The following RERE variants were observed in gnomAD, a reference collection of about 807,000 sequenced individuals.
The protein encoded by RERE is arginine-glutamic acid dipeptide repeats, also known as arginine-glutamic acid dipeptide repeats protein.
Under a neutral mutation model 146.1 loss-of-function variants are expected in RERE, and 40 were observed. The observed-to-expected ratio is 0.27, with a 90% CI of 0.21 to 0.36. RERE has a LOEUF of 0.36. RERE is among the 10% of genes least tolerant of loss of function. The pLI, the probability that RERE is intolerant of heterozygous loss-of-function variation, is 1.00. For missense variants in RERE, 1,933 were observed against 2,138.7 expected, an observed-to-expected ratio of 0.90 and a Z score of 1.90; for synonymous variants, 1,003 against 866.0, an observed-to-expected ratio of 1.16 and a Z score of -2.78.
At position 8,656,352 on chromosome 1, in the gene RERE, G is replaced by A; in HGVS notation, c.-55C>T. On this transcript the variant is annotated 5_prime_UTR_variant, in exon 2 of 23. Coordinates refer to ENST00000400908, the MANE Select transcript of RERE (RefSeq NM_001042681.2). ...CACGGCTAGGCCTCCGTGAAAGGTA[G>A]ACAGTAAGCCTGGGCTTCAGTCTTC... is the stretch of plus-strand genomic sequence containing the variant. 1 of 1,547,724 alleles carries A rather than the reference G, an allele frequency of 6.5e-7. No homozygotes were observed. The highest frequency in any genetic ancestry group is 1.3e-5 in the South Asian group (1 of 78,384).
At chr1:8,406,240 A>AT (rs1458731354) in intron 12 of RERE, among the ~76,000 whole-genome samples, 5 of 151,622 alleles carry the variant, frequency 3.3e-5, no homozygotes, top group Non-Finnish European at 7.4e-5. Context: ...TAATTTTTTT[A>AT]TTTTTATTTT....
chr1:8,736,143 C>T, intron 1 of RERE, among the ~76,000 whole-genome samples: 1 of 152,054 alleles, frequency 6.6e-6, no homozygotes, highest in East Asian at 1.9e-4. Context: ...TGCAGGGGTG[C>T]TCTCACTATC....
chr1:8,392,100 C>T (rs1642900701), intron 12 of RERE, among the ~76,000 whole-genome samples: 1 of 152,198 alleles, frequency 6.6e-6, no homozygotes, highest in African/African-American at 2.4e-5. Flanking sequence ...TCTCACAACT[C>T]ACACAATGTT....
intron 12 of RERE, among the ~76,000 whole-genome samples, chr1:8,411,796 A>C (rs1643622478): frequency 6.6e-6 from 1 of 152,220 alleles, no homozygotes; most frequent in South Asian, 2.1e-4. Flanking sequence ...TTTTAGGCTC[A>C]CATTATCCAA....
intron 1 of RERE, among the ~76,000 whole-genome samples, chr1:8,797,347 C>A (rs1008850750): frequency 6.6e-6 from 1 of 150,404 alleles, no homozygotes; most frequent in African/African-American, 2.5e-5. Context: ...CACTGCACAC[C>A]AGCCTAGGTG....
At chr1:8,496,075 A>G (rs1403542455) in intron 9 of RERE, among the ~76,000 whole-genome samples, 1 of 148,854 alleles carries the variant, frequency 6.7e-6, no homozygotes, top group Non-Finnish European at 1.5e-5. Flanking sequence ...AGGTGGGAGG[A>G]TGACTTGAGC....
chr1:8,563,401 G>A (rs1646101556), intron 4 of RERE, among the ~76,000 whole-genome samples: 4 of 152,132 alleles, frequency 2.6e-5, no homozygotes, highest in African/African-American at 4.8e-5. Context: ...CAGAACAACT[G>A]TAAATTCACC....
At chr1:8,762,306 G>A (rs1640770586) in intron 1 of RERE, among the ~76,000 whole-genome samples, 1 of 152,152 alleles carries the variant, frequency 6.6e-6, no homozygotes, top group South Asian at 2.1e-4. Flanking sequence ...ATGTCTAATT[G>A]AACTGTGAGT....
chr1:8,495,174 A>G lies in RERE; in HGVS notation c.1005-12T>C. On this transcript the variant is annotated splice_polypyrimidine_tract_variant and intron_variant, in intron 9 of 22. Transcript: ENST00000400908. ...ATGCCGCCATGCTCCTTCAGAAGAA[A>G]AGGTTTTTCCTTTATTAGTACATAG... is the stretch of plus-strand genomic sequence containing the variant. 1 of 1,604,814 alleles carries G rather than the reference A, an allele frequency of 6.2e-7. No individual in the cohort carries two copies. The highest frequency in any genetic ancestry group is 1.3e-5 in the African/African-American group (1 of 74,866).
At chr1:8,777,709 A>ATT (rs140488472) in intron 1 of RERE, among the ~76,000 whole-genome samples, 6 of 151,020 alleles carry the variant, frequency 4.0e-5, no homozygotes, top group Non-Finnish European at 7.4e-5. Flanking sequence ...TACTTTTTGT[A>ATT]TTTTTTTAGT....
chr1:8,408,770 T>C (rs912426589), intron 12 of RERE, among the ~76,000 whole-genome samples: 2 of 152,118 alleles, frequency 1.3e-5, no homozygotes, highest in African/African-American at 4.8e-5. Flanking sequence ...CTTTTTCCTT[T>C]TGGTGTAAAG....
At chr1:8,361,709 G>A in intron 17 of RERE, 54 bp downstream of exon 17, 1 of 1,484,824 alleles carries the variant, frequency 6.7e-7, no homozygotes, top group Non-Finnish European at 9.4e-7. Context: ...CCCCGGCTGG[G>A]GGCTTCTGAA....
chr1:8,669,178 T>TC (rs1638654995), intron 1 of RERE, among the ~76,000 whole-genome samples: 1 of 145,706 alleles, frequency 6.9e-6, no homozygotes, highest in African/African-American at 2.8e-5. Flanking sequence ...GCTCAAGCAA[T>TC]ACCCCCCCCA....
intron 3 of RERE, among the ~76,000 whole-genome samples, chr1:8,616,794 C>T (rs549653479): frequency 6.6e-6 from 1 of 152,346 alleles, no homozygotes; most frequent in South Asian, 2.1e-4. Context: ...CCCTGACTGG[C>T]AGCCACGAGT....
At chr1:8,776,281 G>A (rs1235061383) in intron 1 of RERE, among the ~76,000 whole-genome samples, 1 of 152,038 alleles carries the variant, frequency 6.6e-6, no homozygotes, top group Non-Finnish European at 1.5e-5. Context: ...AAGTTACCGG[G>A]TTACTTTCTT....
chr1:8,365,826 G>A lies in RERE; in HGVS notation c.1433C>T (p.Pro478Leu), dbSNP rs142504890. ...CCCCTACTCACAGAATTCACTGGAC[G>A]GGGGTCTGGAGGGTGTGTTGACGGG... ...STPVNTPSRP[P>L]SSEFLDLSSA... Residue 478 changes from proline to leucine, a missense_variant, in exon 13 of 23, where the codon CCG becomes CTG. By Grantham distance (98) the Pro-to-Leu change is moderately conservative. Transcript: ENST00000400908. 12 of 1,614,138 alleles carry A rather than the reference G, an allele frequency of 7.4e-6. No homozygotes were observed. Among genetic ancestry groups the A allele is most frequent in the South Asian group, 2.2e-5 (2 of 91,080 alleles).
intron 8 of RERE, among the ~76,000 whole-genome samples, chr1:8,502,154 A>C: frequency 3.6e-5 from 1 of 28,066 alleles, no homozygotes; most frequent in Non-Finnish European, 6.4e-5. Context: ...CCAGTCCGGG[A>C]GGGAGGTGGT....
rs562109562 is a variant in RERE, at chr1:8,352,616, G to A, written c.*2471C>T. On this transcript the variant is annotated 3_prime_UTR_variant, in exon 23 of 23. Transcript: ENST00000400908. ...CACGCTGCCTCTGCCGCAGTGGAGT[G>A]AAGCTCAACCTCGAGGACACCGAAC... 9 of 152,474 alleles carry A rather than the reference G, an allele frequency of 5.9e-5. No homozygotes were observed. Among genetic ancestry groups the A allele is most frequent in the East Asian group, 1.9e-4 (1 of 5,176 alleles). The allele number at this position is 152,474 out of a possible 1,614,324, so 9.4% of individuals were successfully genotyped here. A position where few individuals can be genotyped will look rare whatever the true frequency, so the allele number is the denominator to read the frequency against.
At chr1:8,593,655 G>A (rs927825800) in intron 4 of RERE, among the ~76,000 whole-genome samples, 7 of 152,238 alleles carry the variant, frequency 4.6e-5, no homozygotes, top group African/African-American at 1.7e-4. Context: ...GCCTGGCTGG[G>A]ATGGAGGACC....
Sources: allele counts gnomAD v4.1 joint callset (sites outside exome capture counted in the v4.1 genomes callset), GRCh38; gene constraint gnomAD v4.1.1; transcripts MANE v1.5; gene names NCBI Gene and HGNC (gene_info 2026-07-23, HGNC 2026-07-21).